The following GABRB1 variants were observed in gnomAD, a reference collection of about 807,000 sequenced individuals.
The protein encoded by GABRB1 is gamma-aminobutyric acid type A receptor subunit beta1.
A neutral mutation model predicts 51.6 loss-of-function variants in GABRB1; 17 were observed. That is an observed-to-expected ratio of 0.33 (90% CI 0.23 to 0.49). The LOEUF (loss-of-function observed/expected upper bound fraction) is 0.49, where lower values mean the gene tolerates loss of function less well. Among genes scored for constraint, GABRB1 ranks in the 20% least tolerant of loss-of-function variants. The pLI is 0.99. For missense variants in GABRB1, 410 were observed against 600.6 expected, an observed-to-expected ratio of 0.68 and a Z score of 3.32; for synonymous variants, 247 against 218.9, an observed-to-expected ratio of 1.13 and a Z score of -1.14.
intron 4 of GABRB1, among the ~76,000 whole-genome samples, chr4:47,298,433 A>C (rs1724102540): frequency 2.0e-5 from 3 of 152,212 alleles, no homozygotes; most frequent in Admixed American, 1.3e-4. Flanking sequence ...AAGCATTCTT[A>C]TACACCAATA....
chr4:47,001,037 G>A (rs1029919081), intron 1 of GABRB1, among the ~76,000 whole-genome samples: 6 of 152,166 alleles, frequency 3.9e-5, no homozygotes, highest in Non-Finnish European at 7.3e-5. Flanking sequence ...AAATTGAATA[G>A]CATTTTATAA....
At position 47,236,546 on chromosome 4, in the gene GABRB1, G is replaced by T. The variant is rs564974637; in HGVS notation, c.461+75077G>T. Among the ~76,000 whole-genome samples, 4 of 152,178 alleles carry T rather than the reference G, an allele frequency of 2.6e-5. 1 individual carries two copies. The South Asian group carries it at 8.3e-4, about 32-fold the overall frequency. ...CCCTGCTTTACTAATGCAAAAGCTG[G>T]CACTTAAAGAATTTTAGTAAATTTG... is the stretch of plus-strand genomic sequence containing the variant. On this transcript the variant is annotated intron_variant, in intron 4 of 8. Coordinates refer to ENST00000295454, the MANE Select transcript of GABRB1 (RefSeq NM_000812.4).
At chr4:47,026,354 C>T (rs1187999832) in intron 1 of GABRB1, among the ~76,000 whole-genome samples, 1 of 151,898 alleles carries the variant, frequency 6.6e-6, no homozygotes, top group African/African-American at 2.4e-5. Flanking sequence ...CAGATAATCA[C>T]CGGGTTGTTT....
chr4:47,254,202 C>T (rs773196870), intron 4 of GABRB1, among the ~76,000 whole-genome samples: 1 of 151,956 alleles, frequency 6.6e-6, no homozygotes, highest in Non-Finnish European at 1.5e-5. Context: ...ATCAGAAAAT[C>T]TCCCTAAATT....
intron 5 of GABRB1, among the ~76,000 whole-genome samples, chr4:47,385,167 C>T (rs1215674478): frequency 6.6e-6 from 1 of 152,168 alleles, no homozygotes; most frequent in Admixed American, 6.5e-5. Context: ...CATAATAATG[C>T]CATGACCTCA....
intron 8 of GABRB1, among the ~76,000 whole-genome samples, chr4:47,413,968 G>A (rs1036758861): frequency 4.6e-5 from 7 of 152,190 alleles, no homozygotes; most frequent in African/African-American, 1.4e-4. Context: ...ACAGTACAAC[G>A]AGGCTTTAAG....
At chr4:47,330,771 T>C (rs1725451256) in intron 5 of GABRB1, among the ~76,000 whole-genome samples, 1 of 152,164 alleles carries the variant, frequency 6.6e-6, no homozygotes. Flanking sequence ...CTATCTCAAA[T>C]ATTAATTCTA....
chr4:47,207,693 A>AAT (rs60177910), intron 4 of GABRB1, among the ~76,000 whole-genome samples: 130,803 of 151,904 alleles, frequency 0.86, 56,329 homozygotes, highest in Middle Eastern at 0.92. Flanking sequence ...CACAGGAGCC[A>AAT]TATTCACCCT....
intron 3 of GABRB1, among the ~76,000 whole-genome samples, chr4:47,076,744 C>G (rs768994276): frequency 9.9e-5 from 15 of 152,184 alleles, no homozygotes; most frequent in Admixed American, 4.6e-4. Context: ...GTAGGACAGA[C>G]TAAATCTCTT....
intron 4 of GABRB1, among the ~76,000 whole-genome samples, chr4:47,297,401 A>C (rs1335038299): frequency 1.0e-5 from 1 of 98,342 alleles, no homozygotes; most frequent in Non-Finnish European, 2.1e-5. Flanking sequence ...AATCAAATAG[A>C]CACAAAAAAA....
At chr4:47,038,700 G>A (rs1725702340) in intron 3 of GABRB1, among the ~76,000 whole-genome samples, 3 of 152,138 alleles carry the variant, frequency 2.0e-5, no homozygotes, top group Non-Finnish European at 2.9e-5. Context: ...GCCTTGGCAA[G>A]CCCCCAAATA....
At position 47,397,567 on chromosome 4, in the gene GABRB1, CT is replaced by C. The variant is rs894703799; in HGVS notation, c.545-5741del. ...TAGGGCTAGTTGCTTCTTATTTCTA[CT>C]TTTTTTTTTCTTTTTTGAGATGGAG... On this transcript the variant is annotated intron_variant, in intron 5 of 8. Transcript: ENST00000295454. Among the ~76,000 whole-genome samples, 23 of 149,632 alleles carry C rather than the reference CT, an allele frequency of 1.5e-4. No homozygotes were observed. In the East Asian group the frequency reaches 2.1e-3, roughly 14 times the overall value.
At chr4:47,125,766 G>T (rs6835506) in intron 3 of GABRB1, among the ~76,000 whole-genome samples, 1 of 145,710 alleles carries the variant, frequency 6.9e-6, no homozygotes, top group Admixed American at 6.9e-5. Context: ...CGTTTTAGCC[G>T]GGATGGTCTC....
At chr4:47,221,281 C>G (rs1317166647) in intron 4 of GABRB1, among the ~76,000 whole-genome samples, 4 of 152,018 alleles carry the variant, frequency 2.6e-5, no homozygotes, top group Non-Finnish European at 5.9e-5. Context: ...ATCACATCTT[C>G]CATTGCTTTG....
At chr4:47,183,936 CAGTT>C (rs1249763596) in intron 4 of GABRB1, among the ~76,000 whole-genome samples, 8 of 152,056 alleles carry the variant, frequency 5.3e-5, no homozygotes, top group Non-Finnish European at 4.4e-5. Flanking sequence ...TCTCTTCACT[CAGTT>C]AGTCTCCCAT....
intron 5 of GABRB1, among the ~76,000 whole-genome samples, chr4:47,380,379 T>C (rs1727551973): frequency 6.6e-6 from 1 of 152,174 alleles, no homozygotes; most frequent in African/African-American, 2.4e-5. Context: ...TGCTCTAAGC[T>C]GTAGAAAAGA....
intron 5 of GABRB1, among the ~76,000 whole-genome samples, chr4:47,321,993 A>C (rs1725101013): frequency 6.6e-6 from 1 of 152,194 alleles, no homozygotes; most frequent in Non-Finnish European, 1.5e-5. Flanking sequence ...TTTCTATTAT[A>C]GGTTGATATT....
chr4:46,997,069 T>C (rs73813771), intron 1 of GABRB1, among the ~76,000 whole-genome samples: 14,002 of 152,186 alleles, frequency 0.092, 731 homozygotes, highest in South Asian at 0.19. Flanking sequence ...GAAGAATTGA[T>C]TTAATAGTCT....
chr4:47,345,540 G>T (rs1726059021), intron 5 of GABRB1, among the ~76,000 whole-genome samples: 1 of 152,176 alleles, frequency 6.6e-6, no homozygotes, highest in Non-Finnish European at 1.5e-5. Flanking sequence ...AGACCCTGTG[G>T]TAGGAAGGAT....
Sources: allele counts gnomAD v4.1 joint callset (sites outside exome capture counted in the v4.1 genomes callset), GRCh38; gene constraint gnomAD v4.1.1; transcripts MANE v1.5; gene names NCBI Gene and HGNC (gene_info 2026-07-23, HGNC 2026-07-21).